Variants in SCAP observed in about 807,000 individuals in gnomAD.
SCAP encodes SREBF chaperone.
A neutral mutation model predicts 123.6 loss-of-function variants in SCAP; 65 were observed. That is an observed-to-expected ratio of 0.53 (90% CI 0.43 to 0.65). The LOEUF (loss-of-function observed/expected upper bound fraction) is 0.65, where lower values mean the gene tolerates loss of function less well. Ranked by LOEUF, SCAP falls within the 30% of genes least tolerant of loss-of-function variation. The pLI is 0.00. For missense variants in SCAP, 1,398 were observed against 1,712.5 expected (o/e 0.82, Z 3.24); for synonymous variants, 740 against 726.3 (o/e 1.02, Z -0.30).
At position 47,420,901 on chromosome 3, in the gene SCAP, C is replaced by CGGGCA. The variant is rs1705870600; in HGVS notation, c.1344+25_1344+29dup. On this transcript the variant is annotated intron_variant, in intron 11 of 22. Transcript: ENST00000265565. The surrounding 1 kb of genome is among the most constrained non-coding windows in gnomAD (Gnocchi z 5.0). ...CTCAGTACAGCCAGGGCTGAGGAGG[C>CGGGCA]GGGCAGGGCAGGGCTCAGCCCACTC... The CGGGCA allele has an allele frequency of 6.3e-7, 1 of 1,589,596 alleles. No individual in the cohort carries two copies. Among genetic ancestry groups the CGGGCA allele is most frequent in the Non-Finnish European group, 8.6e-7 (1 of 1,159,396 alleles).
chr3:47,443,933 C>T (rs1706924357), intron 1 of SCAP, among the ~76,000 whole-genome samples: 1 of 152,186 alleles, frequency 6.6e-6, no homozygotes. Context: ...CTTGGATATT[C>T]ATGATGTTTA....
At chr3:47,428,984 A>C in intron 3 of SCAP, 1 of 280,060 alleles carries the variant, frequency 3.6e-6, no homozygotes, top group Non-Finnish European at 6.8e-6. Flanking sequence ...GTTTCATACT[A>C]ACTCCCCCCG....
chr3:47,443,204 T>C, intron 1 of SCAP, 113 bp from the exon 2 acceptor site: 1 of 691,780 alleles, frequency 1.4e-6, no homozygotes, highest in Non-Finnish European at 2.3e-6. Flanking sequence ...AATGCCTATA[T>C]GCAAGGTCTA....
chr3:47,464,684 C>T (rs1242181855), intron 1 of SCAP, among the ~76,000 whole-genome samples: 1 of 152,042 alleles, frequency 6.6e-6, no homozygotes, highest in Non-Finnish European at 1.5e-5. Context: ...AAAGCTTTTC[C>T]CCTAAAATCA....
At chr3:47,457,207 G>C (rs1294194601) in intron 1 of SCAP, among the ~76,000 whole-genome samples, 1 of 152,104 alleles carries the variant, frequency 6.6e-6, no homozygotes, top group Non-Finnish European at 1.5e-5. Flanking sequence ...GAGAGGATCT[G>C]GTAGCCAGGT....
intron 1 of SCAP, among the ~76,000 whole-genome samples, chr3:47,446,991 A>G (rs371803846): frequency 6.6e-6 from 1 of 152,224 alleles, no homozygotes; most frequent in African/African-American, 2.4e-5. Context: ...TTTTTAGATA[A>G]GGTGTGAGAT....
At chr3:47,456,988 C>A (rs891678833) in intron 1 of SCAP, among the ~76,000 whole-genome samples, 4 of 152,084 alleles carry the variant, frequency 2.6e-5, no homozygotes, top group African/African-American at 9.7e-5. Context: ...GGAGTTCAGA[C>A]CAGCCTGGCC....
intron 3 of SCAP, among the ~76,000 whole-genome samples, chr3:47,432,616 C>G (rs1415514902): frequency 6.6e-6 from 1 of 152,138 alleles, no homozygotes; most frequent in Non-Finnish European, 1.5e-5. Context: ...GTATAGGCAG[C>G]AGATGCCTGC....
intron 1 of SCAP, among the ~76,000 whole-genome samples, chr3:47,469,503 G>A (rs909428497): frequency 2.0e-5 from 3 of 152,114 alleles, no homozygotes; most frequent in Non-Finnish European, 4.4e-5. Context: ...AATTACAGGT[G>A]CGTGCCACCA....
At chr3:47,425,718 G>GT (rs1706099146) in intron 7 of SCAP, 107 bp from the exon 8 acceptor site, 1 of 1,279,830 alleles carries the variant, frequency 7.8e-7, no homozygotes, top group Non-Finnish European at 1.1e-6. Flanking sequence ...AAAACTCCTG[G>GT]TTTCACCAAA....
intron 4 of SCAP, 27 bp downstream of exon 4, chr3:47,428,486 G>A (rs776260704): frequency 2.2e-5 from 36 of 1,610,818 alleles, no homozygotes; most frequent in Non-Finnish European, 3.1e-5. Flanking sequence ...TGGGATTCAG[G>A]GAGGCCAGGG....
intron 1 of SCAP, among the ~76,000 whole-genome samples, chr3:47,446,142 GA>G (rs1367500830): frequency 1.3e-5 from 2 of 150,954 alleles, no homozygotes; most frequent in Non-Finnish European, 2.9e-5. Context: ...CCAAAGTGCT[GA>G]GATTACAGGC....
At chr3:47,418,873 G>A (rs901678132) in intron 13 of SCAP, 30 bp from the exon 14 acceptor site, 12 of 1,491,562 alleles carry the variant, frequency 8.0e-6, no homozygotes, top group Non-Finnish European at 1.1e-5. Flanking sequence ...AGCCTCAGCG[G>A]GGGGCCTCCC....
rs778175096 is a variant in SCAP at position 47,417,413 on chromosome 3, T to G, written c.2861A>C (p.Glu954Ala). Reference protein sequence around the residue: ...QAPEDEGGSPEKGSPSLAWAP... With the variant: ...QAPEDEGGSPAKGSPSLAWAP... Reference sequence around the variant, plus strand: ...CCAGGCGAGGGAAGGGGAGCCTTTCTCGGGGGAGCCACCCTCGTCCTCAGG... The same window carrying G: ...CCAGGCGAGGGAAGGGGAGCCTTTCGCGGGGGAGCCACCCTCGTCCTCAGG... Residue 954 changes from glutamate to alanine, a missense_variant, in exon 17 of 23, where the codon GAG becomes GCG. Physicochemically the swap from Glu to Ala is moderately radical, Grantham distance 107. Coordinates refer to ENST00000265565, the MANE Select transcript of SCAP (RefSeq NM_012235.4). 2.5e-6 allele frequency: 4 copies of G among 1,572,906 alleles called. No homozygotes were observed. In the South Asian group the frequency reaches 4.6e-5, roughly 18 times the overall value.
At chr3:47,452,513 C>CCT in intron 1 of SCAP, among the ~76,000 whole-genome samples, 1 of 152,306 alleles carries the variant, frequency 6.6e-6, no homozygotes. Context: ...CTAATAATCC[C>CCT]CTCTCTCTGA....
At chr3:47,423,593 C>T (rs1389074018) in intron 9 of SCAP, among the ~76,000 whole-genome samples, 1 of 152,224 alleles carries the variant, frequency 6.6e-6, no homozygotes. Flanking sequence ...GGGGTTTCAC[C>T]ATGTTGCCCA....
At chr3:47,433,156 C>A (rs1189152740) in intron 3 of SCAP, among the ~76,000 whole-genome samples, 1 of 152,178 alleles carries the variant, frequency 6.6e-6, no homozygotes, top group Non-Finnish European at 1.5e-5. Context: ...CAAAAATTCC[C>A]TTTCACTTAC....
At chr3:47,423,892 C>T (rs756326407) in intron 9 of SCAP, 41 bp downstream of exon 9, 2 of 1,399,170 alleles carry the variant, frequency 1.4e-6, no homozygotes, top group Admixed American at 3.4e-5. Context: ...CCCATTCCAG[C>T]CCCTCCTGCA....
At position 47,439,459 on chromosome 3, in the gene SCAP, C is replaced by G. The variant is rs1360362015; in HGVS notation, c.122+3413G>C. Among the ~76,000 whole-genome samples, 1 of 152,184 alleles carries G rather than the reference C, an allele frequency of 6.6e-6. No individual in the cohort carries two copies. Among genetic ancestry groups the G allele is most frequent in the Non-Finnish European group, 1.5e-5 (1 of 68,022 alleles). Reference sequence around the variant, plus strand: ...TCCAATTTCCTCTCCAAATTAAAATCCACCTCTCACCATGAGCAGCAGCTT... The same window carrying G: ...TCCAATTTCCTCTCCAAATTAAAATGCACCTCTCACCATGAGCAGCAGCTT... On this transcript the variant is annotated intron_variant, in intron 2 of 22. Transcript: ENST00000265565. This position sits in a 1 kb window ranked among gnomAD's most constrained non-coding sequence, Gnocchi z 4.0.
Sources: allele counts gnomAD v4.1 joint callset (sites outside exome capture counted in the v4.1 genomes callset), GRCh38; gene constraint gnomAD v4.1.1; non-coding constraint Gnocchi (gnomAD v3.1); transcripts MANE v1.5; gene names NCBI Gene and HGNC (gene_info 2026-07-23, HGNC 2026-07-21).